The following ZNF483 variants were observed in gnomAD, a reference collection of about 807,000 sequenced individuals.
The protein encoded by ZNF483 is zinc finger protein 483, also known as zinc finger protein HIT-10.
In ZNF483, 9 loss-of-function variants were observed where a neutral mutation model predicts 28.6. The ratio of observed to expected loss-of-function variants is 0.32; its 90% CI spans 0.19 to 0.55. The LOEUF (loss-of-function observed/expected upper bound fraction) is 0.55, where lower values mean the gene tolerates loss of function less well. ZNF483 is among the 20% of genes least tolerant of loss of function. The pLI, the probability that ZNF483 is intolerant of heterozygous loss-of-function variation, is 0.93. For synonymous variants in ZNF483, 322 were observed against 306.2 expected, an observed-to-expected ratio of 1.05 and a Z score of -0.54; for missense variants, 675 against 871.7, an observed-to-expected ratio of 0.77 and a Z score of 2.84.
At position 111,526,101 on chromosome 9, in the gene ZNF483, G is replaced by A. The variant is rs543012997; in HGVS notation, c.-129+839G>A. On this transcript the variant is annotated intron_variant, in intron 1 of 5. Coordinates refer to ENST00000309235, the MANE Select transcript of ZNF483 (RefSeq NM_133464.5). ...GAATGAATGAATGCAACACAGGGCA[G>A]TCTGTGTGCAAAGGAGTGCTTTGGG... Among the ~76,000 whole-genome samples, 15 of 152,296 alleles carry A rather than the reference G, an allele frequency of 9.8e-5. No homozygotes were observed. In the South Asian group the frequency reaches 2.9e-3, roughly 29 times the overall value.
At chr9:111,533,558 G>T (rs1054208618) in intron 3 of ZNF483, among the ~76,000 whole-genome samples, 181 bp from the exon 4 acceptor site, 8 of 152,066 alleles carry the variant, frequency 5.3e-5, no homozygotes, top group African/African-American at 1.9e-4. Context: ...GCACGTGCCT[G>T]CAGTCCCAGC....
chr9:111,570,687 G>C (rs575366216), intron 5 of ZNF483, among the ~76,000 whole-genome samples: 1 of 152,202 alleles, frequency 6.6e-6, no homozygotes, highest in Non-Finnish European at 1.5e-5. Flanking sequence ...GCTGAGGCAG[G>C]AGAATTGCTT....
intron 5 of ZNF483, among the ~76,000 whole-genome samples, chr9:111,535,047 G>A (rs1244900910): frequency 3.9e-5 from 6 of 152,116 alleles, no homozygotes; most frequent in Admixed American, 3.9e-4. Flanking sequence ...AAAAAGTTTA[G>A]GCAGGGCCAA....
chr9:111,526,473 A>C (rs1675688609), intron 1 of ZNF483, among the ~76,000 whole-genome samples: 1 of 152,150 alleles, frequency 6.6e-6, no homozygotes, highest in South Asian at 2.1e-4. Flanking sequence ...TTTTGGCCAC[A>C]GTGTGAGACT....
In ZNF483 at chr9:111,530,939, T is replaced by G; in HGVS notation, c.477T>G (p.Thr159=). ...EENSKEDKMV[T]VCPNTESCES... is the part of the protein sequence containing the mutation. ...ACTCAAAAGAGGATAAAATGGTCAC[T>G]GTTTGTCCCAATACTGAGTCCTGTG... The change falls in exon 3 of 6, where the codon ACT becomes ACG. Residue 159 remains threonine (T), a synonymous_variant. Transcript: ENST00000309235. The G allele has an allele frequency of 6.4e-7, 1 of 1,556,886 alleles. No homozygotes were observed. The highest frequency in any genetic ancestry group is 8.8e-7 in the Non-Finnish European group (1 of 1,142,028).
rs758539203 is a variant in ZNF483 at position 111,529,137 on chromosome 9, C to CA, written c.412+1341dup. Among the ~76,000 whole-genome samples the CA allele has an allele frequency of 8.6e-3, 721 of 83,958 alleles. 1 individual carries two copies. The highest frequency in any genetic ancestry group is 0.022 in the South Asian group (63 of 2,840). 55.1% of individuals were successfully genotyped at this position (83,958 alleles called of 152,430 possible). On this transcript the variant is annotated intron_variant, in intron 2 of 5. Coordinates refer to ENST00000309235, the MANE Select transcript of ZNF483 (RefSeq NM_133464.5). ...GGGCAATAACAGCGAAACTCCGTCT[C>CA]AAAAAAAAAAAGATTGATTTCTAGG...
rs954585416 is a variant in ZNF483, at chr9:111,525,240, G to C, written c.-151G>C. ...GGAAGCTCTTTGCGGTGGCGTTGGT[G>C]CTGTTTGCGGATGCTGATGCAGGTA... On this transcript the variant is annotated 5_prime_UTR_variant, in exon 1 of 6. Coordinates refer to ENST00000309235, the MANE Select transcript of ZNF483 (RefSeq NM_133464.5). 6.6e-6 allele frequency: 1 copy of C among 152,238 alleles called. No individual in the cohort carries two copies. The highest frequency in any genetic ancestry group is 6.5e-5 in the Admixed American group (1 of 15,286). The allele number at this position is 152,238 out of a possible 1,614,324, so 9.4% of individuals were successfully genotyped here.
At chr9:111,566,990 G>C (rs892661685) in intron 5 of ZNF483, among the ~76,000 whole-genome samples, 3 of 151,964 alleles carry the variant, frequency 2.0e-5, no homozygotes, top group African/African-American at 7.2e-5. Flanking sequence ...TCAGGAGGTT[G>C]AGGTGGGAGA....
In ZNF483 at chr9:111,533,813, G is replaced by A; in HGVS notation, c.576G>A (p.Lys192=). ...GEWKKLEPFQ[K]ELYKEVLLEN... is the part of the protein sequence containing the mutation. ...GGAAGAAGCTGGAGCCTTTTCAAAA[G>A]GAGCTATATAAGGAAGTGCTACTGG... Residue 192 remains lysine, a synonymous_variant, in exon 4 of 6, where the codon AAG becomes AAA. Coordinates refer to ENST00000309235, the MANE Select transcript of ZNF483 (RefSeq NM_133464.5). The A allele has an allele frequency of 6.3e-7, 1 of 1,591,710 alleles. No homozygotes were observed. The highest frequency in any genetic ancestry group is 8.5e-7 in the Non-Finnish European group (1 of 1,173,992).
chr9:111,560,858 G>A (rs1350016929), intron 5 of ZNF483, among the ~76,000 whole-genome samples: 1 of 147,956 alleles, frequency 6.8e-6, no homozygotes, highest in Non-Finnish European at 1.5e-5. Context: ...CAGGAGAATC[G>A]CTTGAAGCCG....
At chr9:111,570,775 C>A (rs1165643240) in intron 5 of ZNF483, among the ~76,000 whole-genome samples, 1 of 151,596 alleles carries the variant, frequency 6.6e-6, no homozygotes, top group Non-Finnish European at 1.5e-5. Flanking sequence ...TGAGACTCTG[C>A]CTCAAAAAAA....
exon 6 of ZNF483, chr9:111,577,590 A>AT (rs1242195930): frequency 6.6e-6 from 1 of 152,288 alleles, no homozygotes; most frequent in African/African-American, 2.4e-5. Context: ...CACGCCTGTA[A>AT]TCCTAGCACT....
At chr9:111,530,793 ATATATATACATATATATATAT>A (rs1163166573) in intron 2 of ZNF483, 61 bp from the exon 3 acceptor site, 1 of 70,422 alleles carries the variant, frequency 1.4e-5, no homozygotes. Context: ...ATATATATAT[ATATATATACATATATATATAT>A]AAGATTTTTA....
intron 5 of ZNF483, among the ~76,000 whole-genome samples, chr9:111,576,121 T>C (rs1194880951): frequency 6.6e-6 from 1 of 150,746 alleles, no homozygotes; most frequent in Non-Finnish European, 1.5e-5. Flanking sequence ...CATCACATAC[T>C]GCACTCCAGA....
At chr9:111,563,264 A>C in intron 5 of ZNF483, 23 of 1,584,536 alleles carry the variant, frequency 1.5e-5, no homozygotes, top group Non-Finnish European at 1.9e-5. Context: ...TTTAAAACTT[A>C]ATTTAATATT....
rs1827712099 is a variant in ZNF483 at position 111,543,062 on chromosome 9, C to T, written c.2127C>T (p.His709=). 1.2e-6 allele frequency: 2 copies of T among 1,614,048 alleles called. No homozygotes were observed. Among genetic ancestry groups the T allele is most frequent in the East Asian group, 4.5e-5 (2 of 44,864 alleles). The stretch of plus-strand genomic sequence containing the variant: ...GTCGAAGCTCAATCCTTGTAGAACA[C>T]CTAAAAATTCATACCGGAAGGAGAG... The part of the protein sequence containing the change: ...TFSRSSILVE[H]LKIHTGRREY... Residue 709 remains histidine, a synonymous_variant, in exon 6 of 6, where the codon CAC becomes CAT. Coordinates refer to ENST00000309235, the MANE Select transcript of ZNF483 (RefSeq NM_133464.5).
chr9:111,542,151 T>C lies in ZNF483; in HGVS notation c.1216T>C (p.Ser406Pro). The C allele has an allele frequency of 6.2e-7, 1 of 1,614,122 alleles. No individual in the cohort carries two copies. Among genetic ancestry groups the C allele is most frequent in the Non-Finnish European group, 8.5e-7 (1 of 1,180,044 alleles). ...GIIFIRRSTL[S>P]RRKTPMCEKC... The stretch of plus-strand genomic sequence containing the variant: ...AATCTTTATTAGAAGATCAACTCTT[T>C]CTAGGAGAAAAACCCCTATGTGTGA... Residue 406 changes from serine (S) to proline (P), a missense_variant, in exon 6 of 6, where the codon TCT (serine) becomes CCT (proline). By Grantham distance (74) the Ser-to-Pro change is moderately conservative (BLOSUM62 -1). Around this residue, in one of 6 missense-constraint regions of ZNF483, gnomAD observed 525 missense variants for 581.8 expected, o/e 0.90. Transcript: ENST00000309235. This position sits in a 1 kb window ranked among gnomAD's most constrained non-coding sequence, Gnocchi z 6.2.
In ZNF483 at chr9:111,542,403, A is replaced by G; in HGVS notation, c.1468A>G (p.Ser490Gly). ...SSLTPHHRTH[S>G]GEKPFKCDDC... ...GCTCACACCACATCATAGAACTCAT[A>G]GTGGAGAGAAACCCTTCAAATGTGA... Residue 490 changes from serine to glycine, a missense_variant, in exon 6 of 6, where the codon AGT becomes GGT. Physicochemically the swap from Ser to Gly is moderately conservative, Grantham distance 56. Transcript: ENST00000309235. The surrounding 1 kb of genome is among the most constrained non-coding windows in gnomAD (Gnocchi z 6.2). The G allele has an allele frequency of 6.2e-7, 1 of 1,614,162 alleles. No individual in the cohort carries two copies. The highest frequency in any genetic ancestry group is 8.5e-7 in the Non-Finnish European group (1 of 1,180,024).
Position 111,570,346 on chromosome 9 carries a change from T to C in ZNF483, c.722-6019T>C, listed in dbSNP as rs117809079. On this transcript the variant is annotated intron_variant, in intron 5 of 5. Coordinates refer to the ZNF483 transcript ENST00000358151. ...CTCCCCTTCCATTTCCTCACTCCTT[T>C]CTGATCCACGGGACTGCTGGCCAAT... is the stretch of plus-strand genomic sequence containing the variant. 6.5e-3 allele frequency: 9,044 copies of C among 1,390,094 alleles called. 37 individuals carry two copies. Among genetic ancestry groups the C allele is most frequent in the Non-Finnish European group, 7.4e-3 (7,793 of 1,053,968 alleles). 86.1% of individuals were successfully genotyped at this position (1,390,094 alleles called of 1,614,324 possible).
Sources: allele counts gnomAD v4.1 joint callset (sites outside exome capture counted in the v4.1 genomes callset), GRCh38; gene constraint gnomAD v4.1.1; regional missense constraint gnomAD v4.1.1; non-coding constraint Gnocchi (gnomAD v3.1); transcripts MANE v1.5; gene names NCBI Gene and HGNC (gene_info 2026-07-23, HGNC 2026-07-21).